Variants in WNT3 observed in about 807,000 individuals in gnomAD.
The protein encoded by WNT3 is proto-oncogene Wnt-3.
A neutral mutation model predicts 34.2 loss-of-function variants in WNT3; 7 were observed. That is an observed-to-expected ratio of 0.20 (90% CI 0.12 to 0.38). The LOEUF is 0.38. Ranked by LOEUF, WNT3 falls within the 10% of genes least tolerant of loss-of-function variation. The pLI is 1.00. For synonymous variants in WNT3, 212 were observed against 211.5 expected, an observed-to-expected ratio of 1.00 and a Z score of -0.02; for missense variants, 267 against 499.8, an observed-to-expected ratio of 0.53 and a Z score of 4.44.
rs2084381665 is a variant in WNT3, at chr17:46,818,423, C to A, written c.80+95G>T. On this transcript the variant is annotated intron_variant, in intron 1 of 4. Coordinates refer to ENST00000225512, the MANE Select transcript of WNT3 (RefSeq NM_030753.5). ...CTGGAGGGAGGCGAGGAGAGGAGCC[C>A]CAGCCCTGCAGCGGCCCACCCCCAG... 14 of 1,282,200 alleles carry A rather than the reference C, an allele frequency of 1.1e-5. 1 individual carries two copies. In the South Asian group the frequency reaches 1.5e-4, roughly 14 times the overall value. The allele number at this position is 1,282,200 out of a possible 1,614,324, so 79.4% of individuals were successfully genotyped here.
intron 1 of WNT3, among the ~76,000 whole-genome samples, chr17:46,787,676 G>A (rs1023555056): frequency 1.1e-4 from 17 of 152,326 alleles, no homozygotes; most frequent in South Asian, 6.2e-4. Context: ...AGCCTCGGCC[G>A]GGCGCGGTGG....
chr17:46,809,774 G>A (rs1053790012), intron 1 of WNT3, among the ~76,000 whole-genome samples: 2 of 151,966 alleles, frequency 1.3e-5, no homozygotes, highest in African/African-American at 4.8e-5. Flanking sequence ...GGTATGCCCC[G>A]TGACCAGTTG....
chr17:46,800,902 T>C (rs10514911), intron 1 of WNT3, among the ~76,000 whole-genome samples: 128,245 of 152,146 alleles, frequency 0.84, 54,539 homozygotes, highest in East Asian at 0.94. Context: ...ATTTCAAGAC[T>C]GAACAGGAGT....
intron 1 of WNT3, among the ~76,000 whole-genome samples, chr17:46,809,470 C>T (rs2084242235): frequency 6.6e-6 from 1 of 152,182 alleles, no homozygotes; most frequent in Non-Finnish European, 1.5e-5. Context: ...CATCCCCCTC[C>T]CCAACACACA....
intron 1 of WNT3, among the ~76,000 whole-genome samples, chr17:46,793,892 C>G (rs960585466): frequency 3.9e-5 from 6 of 152,152 alleles, no homozygotes; most frequent in Non-Finnish European, 8.8e-5. Context: ...GACCCCAAAT[C>G]CCATGCTATC....
intron 1 of WNT3, among the ~76,000 whole-genome samples, chr17:46,808,558 A>C (rs574215890): frequency 6.6e-6 from 1 of 152,364 alleles, no homozygotes; most frequent in Admixed American, 6.5e-5. Context: ...CCCAGGCTGC[A>C]CTGTGGGACT....
At chr17:46,817,539 C>T (rs1598805320) in intron 1 of WNT3, among the ~76,000 whole-genome samples, 3 of 152,222 alleles carry the variant, frequency 2.0e-5, no homozygotes, top group Admixed American at 1.3e-4. Flanking sequence ...GGTGGGAGAG[C>T]GGCGATGGGG....
intron 1 of WNT3, among the ~76,000 whole-genome samples, chr17:46,790,418 G>A (rs748329689): frequency 8.5e-5 from 13 of 152,048 alleles, no homozygotes; most frequent in Non-Finnish European, 1.9e-4. Flanking sequence ...GGATTTAAGT[G>A]GTCTAGGTGC....
rs143232777 is a variant in WNT3, at chr17:46,797,348, C to T, written c.80+21170G>A. 9.5e-4 allele frequency among the ~76,000 whole-genome samples: 145 copies of T among 152,250 alleles called. 1 individual carries two copies. Among genetic ancestry groups the T allele is most frequent in the Middle Eastern group, 3.4e-3 (1 of 294 alleles). On this transcript the variant is annotated intron_variant, in intron 1 of 4. Coordinates refer to ENST00000225512, the MANE Select transcript of WNT3 (RefSeq NM_030753.5). ...GAGGCTGAGAGGACTCCCAGGAAGA[C>T]GGCAGCTCCAGGCTGGGTTTTGAAA...
chr17:46,790,793 C>T (rs1460131666), intron 1 of WNT3, among the ~76,000 whole-genome samples: 1 of 152,370 alleles, frequency 6.6e-6, no homozygotes, highest in East Asian at 1.9e-4. Flanking sequence ...CCCTCCGTTT[C>T]CGTCCACCTT....
chr17:46,767,393 C>T (rs907978564), intron 4 of WNT3, among the ~76,000 whole-genome samples: 1 of 152,220 alleles, frequency 6.6e-6, no homozygotes, highest in Non-Finnish European at 1.5e-5. Flanking sequence ...CGCTTCCCCC[C>T]ACCCACCTCC....
intron 1 of WNT3, among the ~76,000 whole-genome samples, chr17:46,808,597 T>C (rs2084227722): frequency 6.6e-6 from 1 of 152,180 alleles, no homozygotes; most frequent in Non-Finnish European, 1.5e-5. Context: ...AAGAATTAGA[T>C]TCAGATAAAT....
intron 1 of WNT3, among the ~76,000 whole-genome samples, chr17:46,805,788 AT>A (rs2084187177): frequency 6.6e-6 from 1 of 152,156 alleles, no homozygotes. Context: ...TGATATTCAC[AT>A]CCCCAGGAAG....
At chr17:46,800,140 T>C (rs1052294931) in intron 1 of WNT3, among the ~76,000 whole-genome samples, 5 of 152,074 alleles carry the variant, frequency 3.3e-5, no homozygotes, top group African/African-American at 9.7e-5. Context: ...AGATGGAGTC[T>C]CACTGTGTCA....
At chr17:46,766,345 T>A (rs1022923514) in intron 4 of WNT3, among the ~76,000 whole-genome samples, 1 of 151,016 alleles carries the variant, frequency 6.6e-6, no homozygotes, top group Non-Finnish European at 1.5e-5. Context: ...GTGGCGGAGG[T>A]TACAGTGAGC....
rs1458891263 is a variant in WNT3 at position 46,763,719 on chromosome 17, T to C, written c.*911A>G. The C allele has an allele frequency of 6.6e-6, 1 of 151,474 alleles. No individual in the cohort carries two copies. Among genetic ancestry groups the C allele is most frequent in the Admixed American group, 6.6e-5 (1 of 15,184 alleles). 9.4% of individuals were successfully genotyped at this position (151,474 alleles called of 1,614,324 possible). On this transcript the variant is annotated 3_prime_UTR_variant, in exon 5 of 5. Coordinates refer to ENST00000225512, the MANE Select transcript of WNT3 (RefSeq NM_030753.5). ...CAGAGAATCTGCAGGTGAGCAGGGC[T>C]GGGAAGGACTGAATGGCCCCTTCTG...
In WNT3 at chr17:46,768,369, A is replaced by G; in HGVS notation, c.1019T>C (p.Val340Ala). 6.2e-7 allele frequency: 1 copy of G among 1,613,786 alleles called. No individual in the cohort carries two copies. Among genetic ancestry groups the G allele is most frequent in the Non-Finnish European group, 8.5e-7 (1 of 1,180,016 alleles). Residue 340 changes from valine (V) to alanine (A), a missense_variant, in exon 4 of 5, where the codon GTC (valine) becomes GCC (alanine). Val to Ala is a moderately conservative substitution (Grantham distance 64, BLOSUM62 0). This residue lies in a region of WNT3 where 60 missense variants were observed against 82.7 expected (regional missense o/e 0.73). Coordinates refer to ENST00000225512, the MANE Select transcript of WNT3 (RefSeq NM_030753.5). The surrounding 1 kb of genome is among the most constrained non-coding windows in gnomAD (Gnocchi z 5.0). ...CHCIFHWCCY[V>A]SCQECIRIYD... ...GATGCGAATACACTCCTGGCAGCTG[A>G]CGTAGCAGCACCAGTGGAAGATGCA...
At chr17:46,772,609 A>G (rs2059383798) in intron 2 of WNT3, among the ~76,000 whole-genome samples, 3 of 152,246 alleles carry the variant, frequency 2.0e-5, no homozygotes, top group Non-Finnish European at 4.4e-5. Flanking sequence ...AGTTTTGGCA[A>G]TAGAAGCGTA....
intron 1 of WNT3, among the ~76,000 whole-genome samples, chr17:46,783,127 G>A (rs893925817): frequency 6.6e-6 from 1 of 152,232 alleles, no homozygotes; most frequent in African/African-American, 2.4e-5. Flanking sequence ...TCCAGCAGGG[G>A]TGGGAGCACC....
Sources: gnomAD v4.1 joint callset for allele counts (sites outside exome capture counted in the v4.1 genomes callset) on GRCh38, gnomAD v4.1.1 for gene constraint, gnomAD v4.1.1 regional missense constraint, Gnocchi (gnomAD v3.1) non-coding constraint, MANE v1.5 for transcripts, NCBI Gene and HGNC (gene_info 2026-07-23, HGNC 2026-07-21) for gene names.